Variants in CHRD observed in about 807,000 individuals in gnomAD.
CHRD encodes chordin.
In CHRD, 69 loss-of-function variants were observed where a neutral mutation model predicts 113.7. The ratio of observed to expected loss-of-function variants is 0.61; its 90% CI spans 0.50 to 0.74. The LOEUF (loss-of-function observed/expected upper bound fraction) is 0.74, where lower values mean the gene tolerates loss of function less well. Among genes scored for constraint, CHRD ranks in the 30% least tolerant of loss-of-function variants. The probability of loss-of-function intolerance (pLI) is 0.00; values close to 1 mark genes in which losing one functional copy is unlikely to be tolerated. For missense variants in CHRD, 1,194 were observed against 1,295.8 expected (o/e 0.92, Z 1.21); for synonymous variants, 561 against 540.8 (o/e 1.04, Z -0.52).
chr3:184,383,412 C>T, exon 11 of CHRD: 3 of 1,613,654 alleles, frequency 1.9e-6, no homozygotes, highest in Non-Finnish European at 2.5e-6. Flanking sequence ...GCTCCCTGAT[C>T]TATCAGGTAA....
In CHRD at chr3:184,380,425, T is replaced by A; in HGVS notation, c.107T>A (p.Ile36Asn). Residue 36 changes from isoleucine (I) to asparagine (N), a missense_variant, in exon 1 of 23, where the codon ATC becomes AAC. By Grantham distance (149) the Ile-to-Asn change is moderately radical (BLOSUM62 -3). Transcript: ENST00000204604. This position sits in a 1 kb window ranked among gnomAD's most constrained non-coding sequence, Gnocchi z 6.3. ...GGCCCAGAGCCCCCCGTGCTGCCCA[T>A]CCGTTCTGAGAAGGAGCCGCTGCCC... The A allele has an allele frequency of 7.6e-7, 1 of 1,323,280 alleles. No individual in the cohort carries two copies. 82.0% of individuals were successfully genotyped at this position (1,323,280 alleles called of 1,614,324 possible).
At position 184,380,923 on chromosome 3, in the gene CHRD, G is replaced by A. The variant is rs112091824; in HGVS notation, c.252+128G>A. On this transcript the variant is annotated intron_variant, in intron 2 of 22. Coordinates refer to ENST00000204604, the Ensembl canonical transcript of CHRD. This position sits in a 1 kb window ranked among gnomAD's most constrained non-coding sequence, Gnocchi z 6.3. ...CAGATGTTGGGGATATTTTTCTGGTGGAGGAAGGGGAATCAGCCCCTCCAA... is the reference window on the plus strand; with the variant it reads ...CAGATGTTGGGGATATTTTTCTGGTAGAGGAAGGGGAATCAGCCCCTCCAA... 6.5e-3 allele frequency: 5,147 copies of A among 788,182 alleles called. 168 individuals carry two copies. In the African/African-American group the frequency reaches 0.077, roughly 12 times the overall value. 48.8% of individuals were successfully genotyped at this position (788,182 alleles called of 1,614,324 possible).
rs770352884 is a variant in CHRD, at chr3:184,387,080, C to T, written c.2320C>T (p.Leu774=). 1 of 1,614,094 alleles carries T rather than the reference C, an allele frequency of 6.2e-7. No individual in the cohort carries two copies. The highest frequency in any genetic ancestry group is 1.1e-5 in the South Asian group (1 of 91,064). Residue 774 remains leucine, a synonymous_variant, in exon 18 of 23, where the codon CTG becomes TTG. Transcript: ENST00000204604. This position sits in a 1 kb window ranked among gnomAD's most constrained non-coding sequence, Gnocchi z 6.1. ...ACAAGATGTCAGAGACTTGCCAGGG[C>T]TGCCAAGGAGCCGGGACCCAGGAGA...
exon 23 of CHRD, chr3:184,389,623 A>C (rs952454919): frequency 1.8e-5 from 10 of 567,304 alleles, no homozygotes; most frequent in African/African-American, 1.3e-4. Flanking sequence ...GGTCACAGCC[A>C]CTCCAAGTCC....
chr3:184,386,320 G>A (rs1716272217), intron 15 of CHRD, 161 bp downstream of exon 15: 1 of 1,218,926 alleles, frequency 8.2e-7, no homozygotes, highest in African/African-American at 1.5e-5. Context: ...TGAGGAGGCT[G>A]GCAGCCCGGC....
rs1715896808 is a variant in CHRD, at chr3:184,384,042, T to G, written c.1440+400T>G. On this transcript the variant is annotated intron_variant, in intron 12 of 22. Coordinates refer to ENST00000204604, the Ensembl canonical transcript of CHRD. The surrounding 1 kb of genome is among the most constrained non-coding windows in gnomAD (Gnocchi z 4.4). ...CGCCCACTTCGGCCTCCCAAAGTGC[T>G]GGGATTACAGGCGAGAGCCACCGTG... 6.6e-6 allele frequency among the ~76,000 whole-genome samples: 1 copy of G among 152,174 alleles called. No individual in the cohort carries two copies. Among genetic ancestry groups the G allele is most frequent in the Admixed American group, 6.5e-5 (1 of 15,280 alleles).
chr3:184,384,407 C>A lies in CHRD; in HGVS notation c.1441-130C>A. On this transcript the variant is annotated intron_variant, in intron 12 of 22. Coordinates refer to ENST00000204604, the Ensembl canonical transcript of CHRD. The surrounding 1 kb of genome is among the most constrained non-coding windows in gnomAD (Gnocchi z 4.4). Reference sequence around the variant, plus strand: ...GGGGAGGGCCTTGAAACTGGGCCTGCCAGGTCCTTATCCTGTGTTTCTGGT... The same window carrying A: ...GGGGAGGGCCTTGAAACTGGGCCTGACAGGTCCTTATCCTGTGTTTCTGGT... 8.9e-7 allele frequency: 1 copy of A among 1,129,632 alleles called. No individual in the cohort carries two copies. Among genetic ancestry groups the A allele is most frequent in the Non-Finnish European group, 1.2e-6 (1 of 865,056 alleles). 70.0% of individuals were successfully genotyped at this position (1,129,632 alleles called of 1,614,324 possible).
rs1179100671 is a variant in CHRD at position 184,381,696 on chromosome 3, C to G, written c.512-20C>G. ...AAAGCGGCGTTTGACAGTGCTCAGG[C>G]CATCTTCCTCCCGTCCCAGACTTCG... On this transcript the variant is annotated intron_variant, in intron 4 of 22. Coordinates refer to ENST00000204604, the Ensembl canonical transcript of CHRD. The surrounding 1 kb of genome is among the most constrained non-coding windows in gnomAD (Gnocchi z 4.7). The G allele has an allele frequency of 1.2e-6, 2 of 1,611,444 alleles. No homozygotes were observed. Among genetic ancestry groups the G allele is most frequent in the Non-Finnish European group, 1.7e-6 (2 of 1,179,284 alleles).
At chr3:184,383,145 G>T (rs1042922232) in exon 10 of CHRD, 1 of 1,600,350 alleles carries the variant, frequency 6.2e-7, no homozygotes. Context: ...ACACATTGCT[G>T]CCAGGAAGAG....
chr3:184,381,180 T>C lies in CHRD; in HGVS notation c.253-55T>C. ...TGCGGGACATCCTTGCCTGGGGGGGTCTCATCAGTTGGCATCTTGCACTCA... is the reference window on the plus strand; with the variant it reads ...TGCGGGACATCCTTGCCTGGGGGGGCCTCATCAGTTGGCATCTTGCACTCA... On this transcript the variant is annotated intron_variant, in intron 2 of 22. Transcript: ENST00000204604. The surrounding 1 kb of genome is among the most constrained non-coding windows in gnomAD (Gnocchi z 4.7). The C allele has an allele frequency of 6.2e-7, 1 of 1,603,098 alleles. No homozygotes were observed. Among genetic ancestry groups the C allele is most frequent in the Non-Finnish European group, 8.5e-7 (1 of 1,174,168 alleles).
Position 184,381,881 on chromosome 3 carries a change from G to A in CHRD, c.612-52G>A. 1 of 1,612,172 alleles carries A rather than the reference G, an allele frequency of 6.2e-7. No individual in the cohort carries two copies. Among genetic ancestry groups the A allele is most frequent in the Non-Finnish European group, 8.5e-7 (1 of 1,179,130 alleles). On this transcript the variant is annotated intron_variant, in intron 5 of 22. Coordinates refer to ENST00000204604, the Ensembl canonical transcript of CHRD. This position sits in a 1 kb window ranked among gnomAD's most constrained non-coding sequence, Gnocchi z 4.7. Reference sequence around the variant, plus strand: ...GCCCGGGAGGGAAACTGGGAGAGCTGGGAGGGGCTGCTTTTGGCTCAGTCC... The same window carrying A: ...GCCCGGGAGGGAAACTGGGAGAGCTAGGAGGGGCTGCTTTTGGCTCAGTCC...
Position 184,388,019 on chromosome 3 carries a change from GCAAA to G in CHRD, c.2543_2546del (p.Lys848SerfsTer47). The stretch of plus-strand genomic sequence containing the variant: ...GTGCGTGTCAACCCCACCGACTGCT[GCAAA>G]CAGTGTCCAGGTGAGAGAGGTGGCT... On this transcript the variant is annotated frameshift_variant, in exon 20 of 23. Transcript: ENST00000204604. LOFTEE classifies it high-confidence loss of function. This position sits in a 1 kb window ranked among gnomAD's most constrained non-coding sequence, Gnocchi z 6.1. 1.2e-6 allele frequency: 2 copies of G among 1,613,462 alleles called. No homozygotes were observed. The highest frequency in any genetic ancestry group is 1.7e-6 in the Non-Finnish European group (2 of 1,179,834).
intron 12 of CHRD, 132 bp downstream of exon 12, chr3:184,383,774 AC>A: frequency 1.2e-5 from 7 of 603,944 alleles, no homozygotes; most frequent in East Asian, 7.2e-5. Context: ...TATTCATTTG[AC>A]TTTTTTTTTT....
chr3:184,383,274 GGGGTAAACCTAGCC>G, intron 10 of CHRD, 24 bp from the exon 11 acceptor site: 1 of 1,599,778 alleles, frequency 6.3e-7, no homozygotes, highest in South Asian at 1.1e-5. Context: ...AAGCGGCCAT[GGGGTAAACCTAGCC>G]TCACCTGTCT....
chr3:184,382,511 G>A (rs759959782), exon 7 of CHRD: 2 of 1,613,938 alleles, frequency 1.2e-6, no homozygotes, highest in South Asian at 2.2e-5. Context: ...CTCTCATCCG[G>A]CACCGGGCCC....
chr3:184,380,403 C>A lies in CHRD; in HGVS notation c.85C>A (p.Pro29Thr). 1.5e-6 allele frequency: 2 copies of A among 1,343,336 alleles called. No individual in the cohort carries two copies. The highest frequency in any genetic ancestry group is 1.9e-6 in the Non-Finnish European group (2 of 1,038,612). 83.2% of individuals were successfully genotyped at this position (1,343,336 alleles called of 1,614,324 possible). A position where few individuals can be genotyped will look rare whatever the true frequency, so the allele number is the denominator to read the frequency against. Residue 29 changes from proline to threonine, a missense_variant, in exon 1 of 23, where the codon CCA becomes ACA. By Grantham distance (38) the Pro-to-Thr change is conservative. Coordinates refer to ENST00000204604, the Ensembl canonical transcript of CHRD. The surrounding 1 kb of genome is among the most constrained non-coding windows in gnomAD (Gnocchi z 6.3). ...CTCCCGGCCGGCCCGCGGCGCCGGC[C>A]CAGAGCCCCCCGTGCTGCCCATCCG...
At position 184,388,390 on chromosome 3, in the gene CHRD, T is replaced by TCCATCCAA. The variant is rs1716697151; in HGVS notation, c.2555-190_2555-189insACCATCCA. 2.0e-5 allele frequency among the ~76,000 whole-genome samples: 1 copy of TCCATCCAA among 49,586 alleles called. No individual in the cohort carries two copies. The highest frequency in any genetic ancestry group is 5.3e-4 in the South Asian group (1 of 1,900). The allele number at this position is 49,586 out of a possible 152,430, so 32.5% of individuals were successfully genotyped here. On this transcript the variant is annotated intron_variant, in intron 20 of 22. Transcript: ENST00000204604. The surrounding 1 kb of genome is among the most constrained non-coding windows in gnomAD (Gnocchi z 6.1). ...ATCCACCCATCCACCCATTGATGCA[T>TCCATCCAA]CCATCCATCCATCCATCCATCCATC... is the stretch of plus-strand genomic sequence containing the variant.
Position 184,384,765 on chromosome 3 carries a change from AG to A in CHRD, c.1597+73del. 6.7e-7 allele frequency: 1 copy of A among 1,486,598 alleles called. No homozygotes were observed. The highest frequency in any genetic ancestry group is 1.4e-5 in the South Asian group (1 of 73,022). 92.1% of individuals were successfully genotyped at this position (1,486,598 alleles called of 1,614,324 possible). A position where few individuals can be genotyped will look rare whatever the true frequency, so the allele number is the denominator to read the frequency against. On this transcript the variant is annotated intron_variant, in intron 13 of 22. Coordinates refer to ENST00000204604, the Ensembl canonical transcript of CHRD. This position sits in a 1 kb window ranked among gnomAD's most constrained non-coding sequence, Gnocchi z 4.4. Reference sequence around the variant, plus strand: ...TTGAGGGATGGTGGCAGACAGCCGGAGCCTGGTGTGTCTTTCTTTGTGCCTA... The same window carrying A: ...TTGAGGGATGGTGGCAGACAGCCGGACCTGGTGTGTCTTTCTTTGTGCCTA...
chr3:184,383,212 C>A, intron 10 of CHRD, 49 bp downstream of exon 10: 1 of 1,589,554 alleles, frequency 6.3e-7, no homozygotes, highest in Non-Finnish European at 8.6e-7. Flanking sequence ...AACTGAGAGA[C>A]ACAGACAAGT....
Sources: allele counts gnomAD v4.1 joint callset (sites outside exome capture counted in the v4.1 genomes callset), GRCh38; gene constraint gnomAD v4.1.1; non-coding constraint Gnocchi (gnomAD v3.1); transcripts MANE v1.5; gene names NCBI Gene and HGNC (gene_info 2026-07-23, HGNC 2026-07-21).